Variants in CNTNAP2 observed in about 807,000 individuals in gnomAD.
CNTNAP2 encodes contactin associated protein 2.
A neutral mutation model predicts 155.2 loss-of-function variants in CNTNAP2; 98 were observed. The ratio of observed to expected loss-of-function variants is 0.63; its 90% CI spans 0.54 to 0.75. The LOEUF (loss-of-function observed/expected upper bound fraction) is 0.75. Among genes scored for constraint, CNTNAP2 ranks in the 30% least tolerant of loss-of-function variants. The pLI is 0.00. For missense variants in CNTNAP2, 1,727 were observed against 1,688.1 expected (o/e 1.02, Z -0.40); for synonymous variants, 651 against 631.2 (o/e 1.03, Z -0.47).
In CNTNAP2 at chr7:146,920,851, G is replaced by C. The variant is rs542851744; in HGVS notation, c.402+80947G>C. Among the ~76,000 whole-genome samples, 4 of 152,204 alleles carry C rather than the reference G, an allele frequency of 2.6e-5. No individual in the cohort carries two copies. The East Asian group carries it at 7.7e-4, about 29-fold the overall frequency. On this transcript the variant is annotated intron_variant, in intron 3 of 23. Coordinates refer to ENST00000361727, the MANE Select transcript of CNTNAP2 (RefSeq NM_014141.6). ...TCCTTTTTTCTAATTTTGCATAAAA[G>C]TGACATAAATGCCAGCTGCTGCAGC...
chr7:147,272,664 A>ATTTTTT (rs71182188), intron 8 of CNTNAP2, among the ~76,000 whole-genome samples: 1,727 of 138,742 alleles, frequency 0.012, 51 homozygotes, highest in Admixed American at 0.049. Context: ...CGCCCGGCTA[A>ATTTTTT]TTTTTTTTTT....
chr7:147,145,956 T>A (rs1214439775), intron 8 of CNTNAP2, among the ~76,000 whole-genome samples: 1 of 152,186 alleles, frequency 6.6e-6, no homozygotes, highest in Non-Finnish European at 1.5e-5. Context: ...TTCTAAATAT[T>A]TGACTCTCTA....
intron 8 of CNTNAP2, among the ~76,000 whole-genome samples, chr7:147,172,483 A>G (rs903641741): frequency 1.3e-5 from 2 of 152,176 alleles, no homozygotes; most frequent in East Asian, 1.9e-4. Flanking sequence ...TCATTGCCAT[A>G]TACTCACTTA....
intron 13 of CNTNAP2, among the ~76,000 whole-genome samples, chr7:147,785,765 A>G (rs1214908482): frequency 1.3e-4 from 19 of 151,816 alleles, no homozygotes. Context: ...TCCAAGGCAT[A>G]TGGATCACCT....
In CNTNAP2 at chr7:147,948,667, A is replaced by ATG. The variant is rs543537940; in HGVS notation, c.2256-29183_2256-29182dup. ...CATATACACACACACACATATATAT[A>ATG]TGTGTGTGTGTGTATATATATACAG... On this transcript the variant is annotated intron_variant, in intron 14 of 23. Coordinates refer to ENST00000361727, the MANE Select transcript of CNTNAP2 (RefSeq NM_014141.6). 2.6e-3 allele frequency among the ~76,000 whole-genome samples: 393 copies of ATG among 149,488 alleles called. 2 individuals carry two copies. Among genetic ancestry groups the ATG allele is most frequent in the African/African-American group, 8.9e-3 (363 of 40,562 alleles).
At chr7:148,159,988 C>T (rs137887362) in intron 17 of CNTNAP2, among the ~76,000 whole-genome samples, 5 of 152,222 alleles carry the variant, frequency 3.3e-5, no homozygotes, top group African/African-American at 1.2e-4. Flanking sequence ...CCTGTAATCC[C>T]AGCACTTTGG....
At chr7:146,970,702 T>C (rs534527313) in intron 3 of CNTNAP2, among the ~76,000 whole-genome samples, 2 of 152,252 alleles carry the variant, frequency 1.3e-5, no homozygotes, top group Non-Finnish European at 2.9e-5. Flanking sequence ...CCAGCCATCC[T>C]ATTACTGGGT....
At chr7:146,670,360 C>T (rs745574377) in intron 1 of CNTNAP2, among the ~76,000 whole-genome samples, 20 of 152,066 alleles carry the variant, frequency 1.3e-4, no homozygotes, top group Non-Finnish European at 2.1e-4. Context: ...CTCATTCCAG[C>T]GTATGCCATG....
At chr7:147,720,426 C>G (rs115835884) in intron 13 of CNTNAP2, among the ~76,000 whole-genome samples, 211 of 152,186 alleles carry the variant, frequency 1.4e-3, no homozygotes, top group African/African-American at 4.8e-3. Context: ...AGTGTGGGAT[C>G]ACGTTAAACA....
chr7:146,975,000 AG>A (rs1313404711), intron 3 of CNTNAP2, among the ~76,000 whole-genome samples: 1 of 152,192 alleles, frequency 6.6e-6, no homozygotes, highest in Non-Finnish European at 1.5e-5. Context: ...AAACAAGAAT[AG>A]ACAGTATATT....
At chr7:146,725,953 T>C (rs1385563085) in intron 1 of CNTNAP2, among the ~76,000 whole-genome samples, 1 of 152,184 alleles carries the variant, frequency 6.6e-6, no homozygotes, top group Non-Finnish European at 1.5e-5. Flanking sequence ...AATTAAGCTC[T>C]TTATTTCAAT....
chr7:146,598,624 T>A (rs1423670619), intron 1 of CNTNAP2, among the ~76,000 whole-genome samples: 1 of 152,068 alleles, frequency 6.6e-6, no homozygotes, highest in East Asian at 1.9e-4. Context: ...GGAATACTTT[T>A]GCTTGGCCTC....
At chr7:146,811,190 G>T (rs769204408) in intron 2 of CNTNAP2, among the ~76,000 whole-genome samples, 68 of 152,258 alleles carry the variant, frequency 4.5e-4, no homozygotes, top group Non-Finnish European at 3.5e-4. Context: ...TTGGGGGGGA[G>T]ATTTTGAGAA....
At chr7:147,201,455 T>C (rs935830462) in intron 8 of CNTNAP2, among the ~76,000 whole-genome samples, 7 of 152,230 alleles carry the variant, frequency 4.6e-5, no homozygotes, top group African/African-American at 1.7e-4. Flanking sequence ...GCTCAGTTTA[T>C]TTTTATTCTC....
intron 13 of CNTNAP2, among the ~76,000 whole-genome samples, chr7:147,789,783 A>T (rs1961537): frequency 0.081 from 12,258 of 152,188 alleles, 644 homozygotes; most frequent in East Asian, 0.27. Flanking sequence ...CCCATGCTGG[A>T]TGCTTCCTGC....
intron 8 of CNTNAP2, among the ~76,000 whole-genome samples, chr7:147,170,502 C>T (rs1802205375): frequency 6.6e-6 from 1 of 152,056 alleles, no homozygotes; most frequent in East Asian, 1.9e-4. Flanking sequence ...TAGACCACGC[C>T]CTTACTGGGC....
chr7:146,853,817 A>G (rs979428322), intron 3 of CNTNAP2, among the ~76,000 whole-genome samples: 1 of 152,212 alleles, frequency 6.6e-6, no homozygotes, highest in African/African-American at 2.4e-5. Flanking sequence ...TTTAGTAAGT[A>G]CTTGTTAACA....
At chr7:147,223,621 T>C (rs1302722496) in intron 8 of CNTNAP2, among the ~76,000 whole-genome samples, 2 of 152,112 alleles carry the variant, frequency 1.3e-5, no homozygotes, top group South Asian at 2.1e-4. Flanking sequence ...TCTCAAGATG[T>C]TGCATTCCCA....
chr7:147,023,178 C>A (rs919362156), intron 3 of CNTNAP2, among the ~76,000 whole-genome samples: 1 of 152,044 alleles, frequency 6.6e-6, no homozygotes, highest in Non-Finnish European at 1.5e-5. Context: ...TGAACACGGG[C>A]ACGGCAACTG....
Sources: allele counts gnomAD v4.1 joint callset (sites outside exome capture counted in the v4.1 genomes callset), GRCh38; gene constraint gnomAD v4.1.1; transcripts MANE v1.5; gene names NCBI Gene and HGNC (gene_info 2026-07-23, HGNC 2026-07-21).